The following THBS4 variants were observed in gnomAD, a reference collection of about 807,000 sequenced individuals.
THBS4 encodes thrombospondin-4.
THBS4 carries 90 observed loss-of-function variants against 115.7 expected under a neutral mutation model. The observed-to-expected ratio is 0.78, with a 90% CI of 0.66 to 0.93. The LOEUF (loss-of-function observed/expected upper bound fraction) is 0.93, where lower values mean the gene tolerates loss of function less well. THBS4 is among the 40% of genes least tolerant of loss of function. The pLI is 0.00. For missense variants in THBS4, 1,087 were observed against 1,232.7 expected (o/e 0.88, Z 1.77); for synonymous variants, 460 against 479.3 (o/e 0.96, Z 0.53).
intron 21 of THBS4, 122 bp from the exon 22 acceptor site, chr5:80,082,958 C>A (rs992777780): frequency 2.3e-5 from 19 of 818,620 alleles, no homozygotes; most frequent in East Asian, 1.5e-4. Flanking sequence ...GCGGCGAGGG[C>A]CTGCGGGGCG....
chr5:80,028,456 T>G (rs573198933), intron 2 of THBS4, among the ~76,000 whole-genome samples: 20 of 152,156 alleles, frequency 1.3e-4, no homozygotes, highest in African/African-American at 4.8e-4. Flanking sequence ...CCATACTTTT[T>G]TTTTTTGGTT....
At position 80,070,705 on chromosome 5, in the gene THBS4, C is replaced by T. The variant is rs770045473; in HGVS notation, c.1515C>T (p.Asp505=). The change falls in exon 12 of 22, where the codon GAC becomes GAT. Residue 505 remains aspartate (D), a synonymous_variant. Coordinates refer to ENST00000350881, the MANE Select transcript of THBS4 (RefSeq NM_003248.6). ...ATGCAGACAGAGATGGCATTGGCGA[C>T]GCTTGTGACGAGGATGCTGACGGAG... ...QEDADRDGIG[D]ACDEDADGDG... 6.8e-6 allele frequency: 11 copies of T among 1,614,032 alleles called. No individual in the cohort carries two copies. The highest frequency in any genetic ancestry group is 1.6e-4 in the Middle Eastern group (1 of 6,084).
chr5:80,040,448 G>T (rs1243912791), intron 2 of THBS4, among the ~76,000 whole-genome samples, 168 bp downstream of exon 2: 2 of 70,822 alleles, frequency 2.8e-5, no homozygotes, highest in Non-Finnish European at 6.6e-5. Context: ...CTATATTGGC[G>T]GGGGGGTGGG....
intron 4 of THBS4, 60 bp from the exon 5 acceptor site, chr5:80,058,648 G>A (rs1010319492): frequency 2.1e-5 from 31 of 1,508,996 alleles, no homozygotes; most frequent in Non-Finnish European, 2.9e-5. Flanking sequence ...ATTTGGTTTT[G>A]AGTCACTTAG....
At chr5:80,079,361 T>C (rs558464315) in intron 19 of THBS4, 103 bp downstream of exon 19, 16 of 1,264,064 alleles carry the variant, frequency 1.3e-5, no homozygotes, top group Middle Eastern at 2.4e-4. Context: ...CTAAAAAAAA[T>C]TGATGCATTT....
rs56899578 is a variant in THBS4 at position 80,002,745 on chromosome 5, G to GA, written n.177+4335dup. Among the ~76,000 whole-genome samples the GA allele has an allele frequency of 7.0e-3, 702 of 100,340 alleles. 5 individuals carry two copies. Among genetic ancestry groups the GA allele is most frequent in the South Asian group, 0.013 (41 of 3,072 alleles). 65.8% of individuals were successfully genotyped at this position (100,340 alleles called of 152,430 possible). ...ACAGCTGAGGAAACTCCAGAAGGGA[G>GA]AAAAAAAAAAAAAAAAAGGAAAACC... On this transcript the variant is annotated intron_variant and non_coding_transcript_variant, in intron 2 of 3. Transcript: ENST00000510218.
intron 16 of THBS4, 68 bp downstream of exon 16, chr5:80,077,116 G>T: frequency 7.1e-7 from 1 of 1,414,290 alleles, no homozygotes; most frequent in South Asian, 1.5e-5. Context: ...ATGGGGGCAC[G>T]CCTCTCTCCA....
At chr5:80,012,606 A>C (rs1192761624) in intron 2 of THBS4, among the ~76,000 whole-genome samples, 1 of 152,136 alleles carries the variant, frequency 6.6e-6, no homozygotes, top group Non-Finnish European at 1.5e-5. Flanking sequence ...ATCAAGACTC[A>C]GGGCTTCTCA....
chr5:80,035,667 G>A lies in THBS4; in HGVS notation c.88+42G>A. 5 of 1,274,446 alleles carry A rather than the reference G, an allele frequency of 3.9e-6. No individual in the cohort carries two copies. The highest frequency in any genetic ancestry group is 5.0e-6 in the Non-Finnish European group (5 of 999,390). The allele number at this position is 1,274,446 out of a possible 1,614,324, so 78.9% of individuals were successfully genotyped here. A position where few individuals can be genotyped will look rare whatever the true frequency, so the allele number is the denominator to read the frequency against. The stretch of plus-strand genomic sequence containing the variant: ...CGGGCCTGGGAGCGCCGGGCACCGG[G>A]TGCCCCATCTGCTGAGTGAGTGGAG... On this transcript the variant is annotated intron_variant, in intron 1 of 21. Transcript: ENST00000350881. This position sits in a 1 kb window ranked among gnomAD's most constrained non-coding sequence, Gnocchi z 4.6.
At chr5:80,060,319 G>A (rs950352903) in intron 7 of THBS4, among the ~76,000 whole-genome samples, 1 of 152,188 alleles carries the variant, frequency 6.6e-6, no homozygotes, top group Non-Finnish European at 1.5e-5. Flanking sequence ...AAATAAAGGA[G>A]CAGAGGGGAA....
At position 80,035,371 on chromosome 5, in the gene THBS4, A is replaced by G. The variant is rs4425490; in HGVS notation, c.-167A>G. ...CCAGCAGCCAGCTCCCCAGCACCGCACGGCGGGGACGCGAGCGCGCCCCCG... is the reference window on the plus strand; with the variant it reads ...CCAGCAGCCAGCTCCCCAGCACCGCGCGGCGGGGACGCGAGCGCGCCCCCG... On this transcript the variant is annotated 5_prime_UTR_variant, in exon 1 of 22. Coordinates refer to ENST00000350881, the MANE Select transcript of THBS4 (RefSeq NM_003248.6). This position sits in a 1 kb window ranked among gnomAD's most constrained non-coding sequence, Gnocchi z 4.6. The G allele has an allele frequency of 0.99, 226,145 of 228,712 alleles. 111,804 individuals are homozygous for G. Among genetic ancestry groups the G allele is most frequent in the East Asian group, 1 (8,698 of 8,698 alleles). The allele number at this position is 228,712 out of a possible 1,614,324, so 14.2% of individuals were successfully genotyped here. A position where few individuals can be genotyped will look rare whatever the true frequency, so the allele number is the denominator to read the frequency against.
chr5:80,061,912 C>T, intron 8 of THBS4, 80 bp downstream of exon 8: 2 of 1,434,760 alleles, frequency 1.4e-6, no homozygotes, highest in East Asian at 2.5e-5. Flanking sequence ...TTGGTATAAA[C>T]CTTTACCTCC....
chr5:80,078,408 T>C (rs1435815077), intron 17 of THBS4, among the ~76,000 whole-genome samples, 181 bp downstream of exon 17: 2 of 152,214 alleles, frequency 1.3e-5, no homozygotes, highest in African/African-American at 4.8e-5. Flanking sequence ...AGGATGAAAT[T>C]GTCTGCTACA....
At chr5:80,053,514 A>G (rs1389818329) in intron 2 of THBS4, among the ~76,000 whole-genome samples, 1 of 151,058 alleles carries the variant, frequency 6.6e-6, no homozygotes, top group Non-Finnish European at 1.5e-5. Context: ...GGGTTTACAC[A>G]TGTTTAAGGT....
intron 2 of THBS4, among the ~76,000 whole-genome samples, chr5:80,007,346 C>A (rs1333192629): frequency 6.6e-6 from 1 of 152,202 alleles, no homozygotes; most frequent in African/African-American, 2.4e-5. Context: ...TCAGCTCCTA[C>A]TTGTCCCAGC....
intron 1 of THBS4, among the ~76,000 whole-genome samples, chr5:79,996,201 G>A (rs959675699): frequency 1.3e-5 from 2 of 152,056 alleles, no homozygotes; most frequent in Admixed American, 6.6e-5. Context: ...AAAGTAAATG[G>A]GAGCATTGCT....
intron 1 of THBS4, among the ~76,000 whole-genome samples, chr5:79,997,887 A>G (rs992111586): frequency 2.6e-5 from 4 of 152,240 alleles, no homozygotes; most frequent in African/African-American, 9.6e-5. Context: ...ACATACTTCT[A>G]CGTAATCAGT....
intron 1 of THBS4, among the ~76,000 whole-genome samples, chr5:80,039,616 C>A (rs1354903892): frequency 2.6e-5 from 4 of 152,228 alleles, no homozygotes; most frequent in African/African-American, 9.6e-5. Context: ...CATTTCCTGT[C>A]ATTTGTCACT....
chr5:80,062,582 C>T (rs994775436), intron 8 of THBS4, among the ~76,000 whole-genome samples: 4 of 152,126 alleles, frequency 2.6e-5, no homozygotes, highest in African/African-American at 9.7e-5. Context: ...ATATGCACAA[C>T]GTGCAGGTTT....
Sources: allele counts gnomAD v4.1 joint callset (sites outside exome capture counted in the v4.1 genomes callset), GRCh38; gene constraint gnomAD v4.1.1; non-coding constraint Gnocchi (gnomAD v3.1); transcripts MANE v1.5; gene names NCBI Gene and HGNC (gene_info 2026-07-23, HGNC 2026-07-21).